The following HMGCLL1 variants were observed in gnomAD, a reference collection of about 807,000 sequenced individuals.
HMGCLL1 encodes 3-hydroxymethyl-3-methylglutaryl-CoA lyase, cytoplasmic.
A neutral mutation model predicts 39.1 loss-of-function variants in HMGCLL1; 36 were observed. The ratio of observed to expected loss-of-function variants is 0.92; its 90% confidence interval spans 0.71 to 1.22. The LOEUF (loss-of-function observed/expected upper bound fraction) is 1.22. HMGCLL1 is among the 50% of genes most tolerant of loss of function. The pLI, the probability that HMGCLL1 is intolerant of heterozygous loss-of-function variation, is 0.00. For synonymous variants in HMGCLL1, 149 were observed against 144.0 expected (o/e 1.03, Z -0.25); for missense variants, 451 against 416.5 (o/e 1.08, Z -0.72).
the HMGCLL1 span, among the ~76,000 whole-genome samples, chr6:55,640,821 G>C: frequency 5.9e-5 from 9 of 151,578 alleles, no homozygotes. Context: ...ATGAACTAAA[G>C]TTTATCTTTC....
At chr6:55,651,990 T>C in the HMGCLL1 span, among the ~76,000 whole-genome samples, 68 of 152,166 alleles carry the variant, frequency 4.5e-4, no homozygotes, top group African/African-American at 1.6e-3. Context: ...GTATTGTTGA[T>C]TCAAGGCTGT....
chr6:55,598,244 T>A, the HMGCLL1 span, among the ~76,000 whole-genome samples: 3 of 152,212 alleles, frequency 2.0e-5, no homozygotes, highest in African/African-American at 7.2e-5. Context: ...ATGATTTTTA[T>A]CCTGTGTCCT....
the HMGCLL1 span, among the ~76,000 whole-genome samples, chr6:55,647,745 C>CTTTTTTTTTTT: frequency 2.0e-4 from 23 of 115,856 alleles, no homozygotes; most frequent in African/African-American, 3.5e-4. Context: ...TTTTTTTTTC[C>CTTTTTTTTTTT]TTTTTTTTTT....
intron 1 of HMGCLL1, 30 bp from the exon 2 acceptor site, chr6:55,542,170 C>A (rs143872373): frequency 1.4e-6 from 2 of 1,458,184 alleles, no homozygotes; most frequent in Non-Finnish European, 1.9e-6. Flanking sequence ...AACAAGATAA[C>A]GTAACTTTTA....
At chr6:55,524,607 A>G (rs890884327) in intron 3 of HMGCLL1, among the ~76,000 whole-genome samples, 1 of 151,932 alleles carries the variant, frequency 6.6e-6, no homozygotes, top group African/African-American at 2.4e-5. Context: ...AGACATATCA[A>G]TTAGCAAGAG....
At chr6:55,639,836 T>C in the HMGCLL1 span, among the ~76,000 whole-genome samples, 1 of 151,964 alleles carries the variant, frequency 6.6e-6, no homozygotes, top group African/African-American at 2.4e-5. Flanking sequence ...CCCAACACTT[T>C]AGGAGGCTGA....
chr6:55,480,760 G>T (rs1765697427), intron 7 of HMGCLL1, among the ~76,000 whole-genome samples: 1 of 150,914 alleles, frequency 6.6e-6, no homozygotes, highest in Non-Finnish European at 1.5e-5. Flanking sequence ...AATGGATAAA[G>T]ATAATGTGGT....
chr6:55,527,026 A>G (rs1431099261), intron 3 of HMGCLL1, among the ~76,000 whole-genome samples: 1 of 152,046 alleles, frequency 6.6e-6, no homozygotes, highest in African/African-American at 2.4e-5. Flanking sequence ...CTGGGCAGGG[A>G]CCCAAGTCTA....
At chr6:55,463,641 A>G (rs936009512) in intron 7 of HMGCLL1, among the ~76,000 whole-genome samples, 1 of 152,302 alleles carries the variant, frequency 6.6e-6, no homozygotes, top group African/African-American at 2.4e-5. Flanking sequence ...GCAGACATTT[A>G]CATATTTGAA....
intron 7 of HMGCLL1, among the ~76,000 whole-genome samples, chr6:55,450,510 A>G (rs1277238808): frequency 6.6e-6 from 1 of 152,238 alleles, no homozygotes; most frequent in Non-Finnish European, 1.5e-5. Context: ...GAGATCTTTC[A>G]TGGAATGTGC....
intron 7 of HMGCLL1, among the ~76,000 whole-genome samples, chr6:55,478,449 T>C (rs1380458272): frequency 6.6e-6 from 1 of 151,394 alleles, no homozygotes; most frequent in African/African-American, 2.4e-5. Context: ...AAATTTTACA[T>C]GGTAGAGAGA....
At chr6:55,478,900 A>T (rs1298714783) in intron 7 of HMGCLL1, among the ~76,000 whole-genome samples, 2 of 151,462 alleles carry the variant, frequency 1.3e-5, no homozygotes. Context: ...CTAAGGAAGA[A>T]ATCTTTCTCT....
chr6:55,475,073 G>A (rs1018586710), intron 7 of HMGCLL1, among the ~76,000 whole-genome samples: 1 of 151,492 alleles, frequency 6.6e-6, no homozygotes, highest in Non-Finnish European at 1.5e-5. Context: ...ACCTTCCCAA[G>A]TGTTTCTCCA....
chr6:55,661,698 C>T, the HMGCLL1 span, among the ~76,000 whole-genome samples: 1 of 151,654 alleles, frequency 6.6e-6, no homozygotes, highest in Admixed American at 6.6e-5. Flanking sequence ...TATTTGGACT[C>T]TTTTTGGTTT....
chr6:55,565,065 A>G (rs1771148747), intron 1 of HMGCLL1, among the ~76,000 whole-genome samples: 1 of 152,090 alleles, frequency 6.6e-6, no homozygotes, highest in Admixed American at 6.6e-5. Context: ...ATATTAAAAG[A>G]AAAAAGTTAT....
At chr6:55,557,433 T>C (rs555574468) in intron 1 of HMGCLL1, among the ~76,000 whole-genome samples, 1 of 152,174 alleles carries the variant, frequency 6.6e-6, no homozygotes, top group Admixed American at 6.6e-5. Context: ...CTCAGCCATA[T>C]CTAGTTTGCT....
At chr6:55,547,263 G>A (rs1402082293) in intron 1 of HMGCLL1, among the ~76,000 whole-genome samples, 1 of 151,896 alleles carries the variant, frequency 6.6e-6, no homozygotes, top group African/African-American at 2.4e-5. Context: ...AAAATTAAAT[G>A]GAAGGCATAT....
At chr6:55,569,504 G>T (rs1197894125) in intron 1 of HMGCLL1, among the ~76,000 whole-genome samples, 3 of 152,164 alleles carry the variant, frequency 2.0e-5, no homozygotes, top group Non-Finnish European at 2.9e-5. Context: ...GCAGGCTTTA[G>T]AACTAGAACT....
chr6:55,586,021 C>G, the HMGCLL1 span, among the ~76,000 whole-genome samples: 66 of 152,034 alleles, frequency 4.3e-4, no homozygotes, highest in African/African-American at 1.5e-3. Flanking sequence ...GCATATCCAC[C>G]AAATGTGAAT....
Sources: gnomAD v4.1 joint callset for allele counts (sites outside exome capture counted in the v4.1 genomes callset) on GRCh38, gnomAD v4.1.1 for gene constraint, MANE v1.5 for transcripts, NCBI Gene and HGNC (gene_info 2026-07-23, HGNC 2026-07-21) for gene names.